ITGAE: variants seen among roughly 807,000 people sequenced by gnomAD.
The protein encoded by ITGAE is integrin alpha-E.
In ITGAE, 99 loss-of-function variants were observed where a neutral mutation model predicts 136.5. The ratio of observed to expected loss-of-function variants is 0.73; its 90% CI spans 0.62 to 0.86. The LOEUF (loss-of-function observed/expected upper bound fraction) is 0.86. Ranked by LOEUF, ITGAE falls within the 40% of genes least tolerant of loss-of-function variation. The pLI is 0.00. For synonymous variants in ITGAE, 613 were observed against 591.8 expected (o/e 1.04, Z -0.52); for missense variants, 1,447 against 1,515.3 (o/e 0.95, Z 0.75).
intron 9 of ITGAE, among the ~76,000 whole-genome samples, chr17:3,757,359 G>C (rs2052053715): frequency 6.6e-6 from 1 of 152,064 alleles, no homozygotes; most frequent in Non-Finnish European, 1.5e-5. Context: ...CCTCACCTCT[G>C]CACATGCTGT....
At chr17:3,727,815 G>T (rs2051249235) in intron 26 of ITGAE, 104 bp downstream of exon 26, 1 of 767,434 alleles carries the variant, frequency 1.3e-6, no homozygotes. Context: ...TTTTCCCATG[G>T]TTAACTTGTC....
rs1457114535 is a variant in ITGAE at position 3,753,288 on chromosome 17, ACCTG to A, written c.1666_1668+1del. The A allele has an allele frequency of 6.2e-7, 1 of 1,613,486 alleles. No individual in the cohort carries two copies. The highest frequency in any genetic ancestry group is 2.2e-5 in the East Asian group (1 of 44,856). ...AGCTCATGAAGATGGAGACTCTCCC[ACCTG>A]CTCGCTGAGACGGTACACGTAGACT... On this transcript the variant is annotated splice_donor_variant and coding_sequence_variant, in exon 14 of 31. Transcript: ENST00000263087. LOFTEE classifies it high-confidence loss of function.
chr17:3,746,577 TC>T (rs2051720545), intron 17 of ITGAE, among the ~76,000 whole-genome samples: 1 of 151,660 alleles, frequency 6.6e-6, no homozygotes, highest in South Asian at 2.1e-4. Context: ...TGCCTCAGCC[TC>T]CCCCGTAGCT....
chr17:3,762,134 C>A, intron 3 of ITGAE, 152 bp from the exon 4 acceptor site: 1 of 652,064 alleles, frequency 1.5e-6, no homozygotes, highest in East Asian at 2.7e-5. Flanking sequence ...AGAGCGGGGG[C>A]CTTCAAGGTC....
chr17:3,734,964 G>C lies in ITGAE; in HGVS notation c.2523-15C>G, dbSNP rs1331875122. On this transcript the variant is annotated splice_polypyrimidine_tract_variant and intron_variant, in intron 20 of 30. Coordinates refer to ENST00000263087, the MANE Select transcript of ITGAE (RefSeq NM_002208.5). ...CCAACTCCTGCCTGCACAGGGTACA[G>C]ATAAAAATGTTACAGTTTATTTCAT... 3.7e-6 allele frequency: 6 copies of C among 1,613,912 alleles called. No homozygotes were observed. Among genetic ancestry groups the C allele is most frequent in the South Asian group, 1.1e-5 (1 of 91,076 alleles).
intron 1 of ITGAE, among the ~76,000 whole-genome samples, chr17:3,787,886 G>A (rs1038060066): frequency 2.0e-5 from 3 of 151,220 alleles, no homozygotes; most frequent in Admixed American, 6.6e-5. Context: ...TGGGCTTTTC[G>A]CCATGTTGGC....
rs976379174 is a variant in ITGAE, at chr17:3,799,991, C to T, written c.34+1120G>A. On this transcript the variant is annotated intron_variant, in intron 1 of 30. Transcript: ENST00000263087. This position sits in a 1 kb window ranked among gnomAD's most constrained non-coding sequence, Gnocchi z 4.1. ...AAAATTAGCCAGGCGTGGTGGCAGG[C>T]GCCTGTAATCCCAGCTACTCGGGAG... Among the ~76,000 whole-genome samples the T allele has an allele frequency of 3.4e-4, 51 of 152,004 alleles. No individual in the cohort carries two copies. The highest frequency in any genetic ancestry group is 4.1e-4 in the South Asian group (2 of 4,820).
At chr17:3,715,352 C>T (rs3826504) in intron 30 of ITGAE, among the ~76,000 whole-genome samples, 80,325 of 151,880 alleles carry the variant, frequency 0.53, 22,111 homozygotes, top group African/African-American at 0.64. Context: ...ATAATTACAA[C>T]ACAGTGTGAT....
At chr17:3,743,682 GCTTTTTTTCTTTTT>G (rs1369485726) in intron 18 of ITGAE, 65 bp from the exon 19 acceptor site, 93 of 938,660 alleles carry the variant, frequency 9.9e-5, no homozygotes, top group East Asian at 2.7e-4. Context: ...CAACAATAAT[GCTTTTTTTCTTTTT>G]CTTTTTTTCT....
intron 1 of ITGAE, among the ~76,000 whole-genome samples, chr17:3,787,812 T>C (rs747658120): frequency 6.6e-6 from 1 of 151,780 alleles, no homozygotes; most frequent in Non-Finnish European, 1.5e-5. Context: ...CTCAGCCTCC[T>C]GAGTACCTGG....
intron 20 of ITGAE, 132 bp downstream of exon 20, chr17:3,739,673 T>G (rs1312098181): frequency 1.4e-6 from 1 of 731,574 alleles, no homozygotes; most frequent in Admixed American, 2.0e-5. Context: ...ATTGAGATAA[T>G]AAGTGCAGAA....
At chr17:3,765,348 CAAAAAAAAAAAA>C (rs66493976) in intron 2 of ITGAE, among the ~76,000 whole-genome samples, 2 of 63,756 alleles carry the variant, frequency 3.1e-5, no homozygotes, top group African/African-American at 1.4e-4. Context: ...GACTCTGTCT[CAAAAAAAAAAAA>C]AAAAAAAAAA....
intron 2 of ITGAE, among the ~76,000 whole-genome samples, chr17:3,772,449 A>C (rs892192064): frequency 5.9e-5 from 9 of 151,678 alleles, no homozygotes; most frequent in African/African-American, 2.2e-4. Context: ...TTACCACTTA[A>C]ATCTAATGGT....
At chr17:3,797,689 GATCACA>G (rs1012087906) in intron 1 of ITGAE, among the ~76,000 whole-genome samples, 1 of 150,508 alleles carries the variant, frequency 6.6e-6, no homozygotes, top group Non-Finnish European at 1.5e-5. Flanking sequence ...TTGAACTCCT[GATCACA>G]AGTGCTCTGC....
At chr17:3,746,399 C>A (rs949056113) in intron 17 of ITGAE, among the ~76,000 whole-genome samples, 3 of 152,084 alleles carry the variant, frequency 2.0e-5, no homozygotes, top group Non-Finnish European at 4.4e-5. Context: ...ATCGCACAGC[C>A]CATCGAGCTC....
At chr17:3,729,237 A>T in intron 24 of ITGAE, 1 of 481,958 alleles carries the variant, frequency 2.1e-6, no homozygotes, top group Non-Finnish European at 3.8e-6. Context: ...CGTCATATTA[A>T]TTCCCTTTTG....
intron 2 of ITGAE, among the ~76,000 whole-genome samples, chr17:3,769,135 C>T (rs912756790): frequency 3.3e-5 from 5 of 152,186 alleles, no homozygotes; most frequent in Admixed American, 6.5e-5. Flanking sequence ...CCGCAGACCC[C>T]GTTTTGGTGG....
In ITGAE at chr17:3,730,841, C is replaced by T. The variant is rs548975119; in HGVS notation, c.2834+263G>A. Among the ~76,000 whole-genome samples the T allele has an allele frequency of 8.1e-4, 124 of 152,286 alleles. 1 individual carries two copies. Among genetic ancestry groups the T allele is most frequent in the African/African-American group, 2.2e-3 (91 of 41,566 alleles). The stretch of plus-strand genomic sequence containing the variant: ...CCAAGCTATTCCAAAGCTGAGTGAA[C>T]GAGAACCAGAACTCCAGGGCTCATT... On this transcript the variant is annotated intron_variant, in intron 23 of 30. Transcript: ENST00000263087.
chr17:3,738,021 A>G (rs1256812321), intron 20 of ITGAE, among the ~76,000 whole-genome samples: 1 of 152,198 alleles, frequency 6.6e-6, no homozygotes, highest in Non-Finnish European at 1.5e-5. Context: ...AAAGTCTTCA[A>G]TTGGTCCTGC....
Sources: gnomAD v4.1 joint callset for allele counts (sites outside exome capture counted in the v4.1 genomes callset) on GRCh38, gnomAD v4.1.1 for gene constraint, Gnocchi (gnomAD v3.1) non-coding constraint, MANE v1.5 for transcripts, NCBI Gene and HGNC (gene_info 2026-07-23, HGNC 2026-07-21) for gene names.